PUS7L: variants seen among roughly 807,000 people sequenced by gnomAD.
PUS7L encodes the protein pseudouridylate synthase PUS7L.
A neutral mutation model predicts 51.1 loss-of-function variants in PUS7L; 49 were observed. That is an observed-to-expected ratio of 0.96 (90% CI 0.76 to 1.22). The LOEUF (loss-of-function observed/expected upper bound fraction) is 1.22, where lower values mean the gene tolerates loss of function less well. Ranked by LOEUF, PUS7L falls within the 50% of genes most tolerant of loss-of-function variation. The probability of loss-of-function intolerance (pLI) is 0.00; values close to 1 mark genes in which losing one functional copy is unlikely to be tolerated. For missense variants in PUS7L, 828 were observed against 820.6 expected (o/e 1.01, Z -0.11); for synonymous variants, 277 against 276.2 (o/e 1.00, Z -0.03).
At chr12:43,752,247 C>T (rs1189869676) in intron 2 of PUS7L, among the ~76,000 whole-genome samples, 1 of 152,188 alleles carries the variant, frequency 6.6e-6, no homozygotes, top group Admixed American at 6.5e-5. Flanking sequence ...AAGGTTGGTA[C>T]TGGCTGTTGG....
Position 43,757,328 on chromosome 12 carries a change from G to A in PUS7L, c.-17+1402C>T, listed in dbSNP as rs528407188. Among the ~76,000 whole-genome samples, 45 of 151,844 alleles carry A rather than the reference G, an allele frequency of 3.0e-4. No homozygotes were observed. The South Asian group carries it at 4.8e-3, about 16-fold the overall frequency. On this transcript the variant is annotated intron_variant, in intron 1 of 8. Transcript: ENST00000344862. ...TGGGACCACAGGGGCGCGCCACCAC[G>A]CCCGGCTAATTCTTGTATTTTTTTA... is the stretch of plus-strand genomic sequence containing the variant.
In PUS7L at chr12:43,726,467, T is replaced by C. The variant is rs1944456083; in HGVS notation, c.*3909A>G. On this transcript the variant is annotated 3_prime_UTR_variant, in exon 9 of 9. Coordinates refer to ENST00000344862, the MANE Select transcript of PUS7L (RefSeq NM_031292.5). Reference sequence around the variant, plus strand: ...CTAGAAGAAAACCTAGGAAATATCATTCTGGACAAAAGACCTAACAAAGAT... The same window carrying C: ...CTAGAAGAAAACCTAGGAAATATCACTCTGGACAAAAGACCTAACAAAGAT... 6.8e-6 allele frequency: 1 copy of C among 148,088 alleles called. No homozygotes were observed. Among genetic ancestry groups the C allele is most frequent in the Non-Finnish European group, 1.5e-5 (1 of 67,338 alleles). The allele number at this position is 148,088 out of a possible 1,614,324, so 9.2% of individuals were successfully genotyped here. A position where few individuals can be genotyped will look rare whatever the true frequency, so the allele number is the denominator to read the frequency against.
intron 7 of PUS7L, among the ~76,000 whole-genome samples, chr12:43,733,535 C>T (rs770761068): frequency 7.2e-5 from 11 of 152,092 alleles, no homozygotes; most frequent in Non-Finnish European, 1.2e-4. Context: ...GCTAAAATTC[C>T]AATCACAAAA....
Position 43,755,120 on chromosome 12 carries a change from C to G in PUS7L, c.126G>C (p.Gln42His). 6 of 1,613,650 alleles carry G rather than the reference C, an allele frequency of 3.7e-6. No individual in the cohort carries two copies. The highest frequency in any genetic ancestry group is 5.1e-6 in the Non-Finnish European group (6 of 1,179,724). Residue 42 changes from glutamine to histidine, a missense_variant, in exon 2 of 9, where the codon CAG becomes CAC. Gln to His is a conservative substitution (Grantham distance 24, BLOSUM62 0). Transcript: ENST00000344862. ...SDFIVIEIDE[Q>H]GQLVNKTIDE... The stretch of plus-strand genomic sequence containing the variant: ...CGATGGTCTTATTAACTAACTGTCC[C>G]TGTTCATCAATTTCAATAACAATAA...
At chr12:43,756,732 A>C (rs1938717189) in intron 1 of PUS7L, among the ~76,000 whole-genome samples, 1 of 152,206 alleles carries the variant, frequency 6.6e-6, no homozygotes, top group Admixed American at 6.5e-5. Flanking sequence ...AACCTTAAGC[A>C]TCTGATTCTT....
At position 43,754,572 on chromosome 12, in the gene PUS7L, T is replaced by C. The variant is rs781513562; in HGVS notation, c.674A>G (p.Lys225Arg). The C allele has an allele frequency of 5.0e-6, 8 of 1,609,332 alleles. No individual in the cohort carries two copies. The highest frequency in any genetic ancestry group is 1.3e-5 in the African/African-American group (1 of 74,410). ...AAAGGTAAATTTGGAATTTTCTTTC[T>C]TTGCATCCAAATATTTAAAAAAGTC... is the stretch of plus-strand genomic sequence containing the variant. ...AFDFFKYLDA[K>R]KENSKFTFKP... The change falls in exon 2 of 9, where the codon AAG (lysine) becomes AGG (arginine). Residue 225 changes from lysine (K) to arginine (R), a missense_variant. Physicochemically the swap from Lys to Arg is conservative, Grantham distance 26 (BLOSUM62 2). Coordinates refer to ENST00000344862, the MANE Select transcript of PUS7L (RefSeq NM_031292.5).
In PUS7L at chr12:43,736,496, T is replaced by G. The variant is rs773437952; in HGVS notation, c.1610A>C (p.Lys537Thr). 7.4e-6 allele frequency: 12 copies of G among 1,614,184 alleles called. No individual in the cohort carries two copies. The highest frequency in any genetic ancestry group is 1.7e-5 in the Admixed American group (1 of 60,014). ...GTAAGATACTGCCTCATTCCAAATTTTGCTGGTATATGCGTGAACATAGAA... is the reference window on the plus strand; with the variant it reads ...GTAAGATACTGCCTCATTCCAAATTGTGCTGGTATATGCGTGAACATAGAA... ...RIFYVHAYTSKIWNEAVSYRL... is the reference protein window; with the variant it reads ...RIFYVHAYTSTIWNEAVSYRL... Residue 537 changes from lysine (K) to threonine (T), a missense_variant, in exon 7 of 9, where the codon AAA becomes ACA. Coordinates refer to ENST00000344862, the MANE Select transcript of PUS7L (RefSeq NM_031292.5).
At chr12:43,750,276 A>G (rs1004051566) in intron 2 of PUS7L, among the ~76,000 whole-genome samples, 28 of 152,338 alleles carry the variant, frequency 1.8e-4, no homozygotes, top group Admixed American at 3.9e-4. Flanking sequence ...GTATAGAAAT[A>G]TATTTAACAA....
intron 2 of PUS7L, among the ~76,000 whole-genome samples, chr12:43,754,002 T>G (rs1938574309): frequency 6.6e-6 from 1 of 152,188 alleles, no homozygotes; most frequent in African/African-American, 2.4e-5. Context: ...TTCCAAAATA[T>G]GAAATCAAGA....
At chr12:43,748,059 G>C (rs550366893) in intron 3 of PUS7L, among the ~76,000 whole-genome samples, 17 of 152,340 alleles carry the variant, frequency 1.1e-4, no homozygotes, top group African/African-American at 3.6e-4. Flanking sequence ...AAAGTACTGT[G>C]ATTATAGGCG....
chr12:43,728,948 TG>T lies in PUS7L; in HGVS notation c.*1427del, dbSNP rs1312790785. 3 of 299,730 alleles carry T rather than the reference TG, an allele frequency of 1.0e-5. No individual in the cohort carries two copies. The highest frequency in any genetic ancestry group is 5.0e-5 in the East Asian group (1 of 19,806). 18.6% of individuals were successfully genotyped at this position (299,730 alleles called of 1,614,324 possible). On this transcript the variant is annotated 3_prime_UTR_variant, in exon 9 of 9. Transcript: ENST00000344862. ...TACGTGGCAGTGCCAGGGTTCAAAC[TG>T]GGTTAGTTTGTCTCCAATATCTGTG... is the stretch of plus-strand genomic sequence containing the variant.
rs556455384 is a variant in PUS7L, at chr12:43,740,611, T to C, written c.1362+1846A>G. ...TGCTTCAGGCAAAGGAAAGAAGATA[T>C]AGTTTTTTAGCTGCAGGAACCAGCC... On this transcript the variant is annotated intron_variant, in intron 5 of 8. Coordinates refer to ENST00000344862, the MANE Select transcript of PUS7L (RefSeq NM_031292.5). 5.3e-5 allele frequency among the ~76,000 whole-genome samples: 8 copies of C among 152,132 alleles called. No individual in the cohort carries two copies. In the East Asian group the frequency reaches 5.8e-4, roughly 11 times the overall value.
At chr12:43,750,528 A>G (rs190455415) in intron 2 of PUS7L, among the ~76,000 whole-genome samples, 47 of 152,314 alleles carry the variant, frequency 3.1e-4, no homozygotes, top group African/African-American at 1.1e-3. Context: ...AATTACTTAG[A>G]ACAATTACAT....
chr12:43,751,919 T>C (rs1938470039), intron 2 of PUS7L, among the ~76,000 whole-genome samples: 2 of 152,232 alleles, frequency 1.3e-5, no homozygotes, highest in African/African-American at 4.8e-5. Context: ...TGATATCTCA[T>C]TGTGGTTTTG....
At chr12:43,733,911 T>C (rs1944619497) in intron 7 of PUS7L, among the ~76,000 whole-genome samples, 1 of 152,192 alleles carries the variant, frequency 6.6e-6, no homozygotes, top group Non-Finnish European at 1.5e-5. Context: ...TTATCATTTC[T>C]TTCCTATTAG....
Position 43,746,174 on chromosome 12 carries a change from C to CT in PUS7L, c.1134dup (p.Asp379ArgfsTer2), listed in dbSNP as rs775366830. 1 of 1,522,864 alleles carries CT rather than the reference C, an allele frequency of 6.6e-7. No homozygotes were observed. The highest frequency in any genetic ancestry group is 1.4e-5 in the African/African-American group (1 of 72,286). 94.3% of individuals were successfully genotyped at this position (1,522,864 alleles called of 1,614,324 possible). On this transcript the variant is annotated frameshift_variant, in exon 4 of 9. Coordinates refer to ENST00000344862, the MANE Select transcript of PUS7L (RefSeq NM_031292.5). LOFTEE classifies it high-confidence loss of function. ...AGCTGACCAAGTCTCAGGGAATCAT[C>CT]TACAGACCGAATATTAAAGACATTC... is the stretch of plus-strand genomic sequence containing the variant.
rs113038130 is a variant in PUS7L, at chr12:43,748,551, G to A, written c.969C>T (p.Ile323=). 1 of 1,610,336 alleles carries A rather than the reference G, an allele frequency of 6.2e-7. No individual in the cohort carries two copies. Among genetic ancestry groups the A allele is most frequent in the Non-Finnish European group, 8.5e-7 (1 of 1,178,996 alleles). Reference sequence around the variant, plus strand: ...AATCCGAAGGAATAACACCAAGTTTGATAGCTAAAAAACCAATCGCTTCAA... The same window carrying A: ...AATCCGAAGGAATAACACCAAGTTTAATAGCTAAAAAACCAATCGCTTCAA... ...EMFEAIGFLA[I]KLGVIPSDFS... is the part of the protein sequence containing the mutation. The change falls in exon 3 of 9, where the codon ATC becomes ATT. Residue 323 remains isoleucine (I), a synonymous_variant. Transcript: ENST00000344862.
chr12:43,749,698 A>G (rs1188670148), intron 2 of PUS7L, among the ~76,000 whole-genome samples: 1 of 152,174 alleles, frequency 6.6e-6, no homozygotes, highest in Non-Finnish European at 1.5e-5. Flanking sequence ...CATATACACC[A>G]TGAAATACTA....
At chr12:43,750,165 G>T (rs1338558546) in intron 2 of PUS7L, among the ~76,000 whole-genome samples, 1 of 149,994 alleles carries the variant, frequency 6.7e-6, no homozygotes, top group Non-Finnish European at 1.5e-5. Context: ...CATTCAAAAA[G>T]CTCAGCAATT....
Sources: allele counts gnomAD v4.1 joint callset (sites outside exome capture counted in the v4.1 genomes callset), GRCh38; gene constraint gnomAD v4.1.1; transcripts MANE v1.5; gene names NCBI Gene and HGNC (gene_info 2026-07-23, HGNC 2026-07-21).